Variants in HTR4 observed in about 807,000 individuals in gnomAD.
HTR4 encodes 5-hydroxytryptamine receptor 4, also known as 5-hydroxytryptamine (serotonin) receptor 4, G protein-coupled.
A neutral mutation model predicts 36.8 loss-of-function variants in HTR4; 16 were observed. The observed-to-expected ratio is 0.43, with a 90% confidence interval of 0.29 to 0.66. HTR4 has a LOEUF of 0.66. HTR4 is among the 30% of genes least tolerant of loss of function. The pLI is 0.13. For missense variants in HTR4, 438 were observed against 490.9 expected (o/e 0.89, Z 1.02); for synonymous variants, 189 against 185.1 (o/e 1.02, Z -0.17).
chr5:148,530,657 G>T (rs900457133), intron 4 of HTR4, among the ~76,000 whole-genome samples: 2 of 152,164 alleles, frequency 1.3e-5, no homozygotes, highest in Non-Finnish European at 2.9e-5. Context: ...AGTCCCTACT[G>T]GGGCACCAAC....
At chr5:148,572,484 T>C (rs1276452535) in intron 2 of HTR4, among the ~76,000 whole-genome samples, 1 of 152,072 alleles carries the variant, frequency 6.6e-6, no homozygotes, top group African/African-American at 2.4e-5. Flanking sequence ...ATTATGAAGA[T>C]AATCTAACAG....
At chr5:148,514,384 T>A (rs574860237) in intron 5 of HTR4, among the ~76,000 whole-genome samples, 4 of 152,284 alleles carry the variant, frequency 2.6e-5, no homozygotes, top group Middle Eastern at 3.4e-3. Context: ...CCCCTTTTTT[T>A]ATTGATGCAA....
At chr5:148,653,368 C>T (rs55683014) in intron 1 of HTR4, among the ~76,000 whole-genome samples, 29,563 of 152,150 alleles carry the variant, frequency 0.19, 3,441 homozygotes, top group East Asian at 0.4. Flanking sequence ...CTTCCTTGTA[C>T]CAACATCCAC....
chr5:148,515,362 A>G (rs1456930974), intron 5 of HTR4, among the ~76,000 whole-genome samples: 2 of 152,130 alleles, frequency 1.3e-5, no homozygotes, highest in Non-Finnish European at 2.9e-5. Flanking sequence ...AGACATTAAT[A>G]TTATTGTTAT....
At chr5:148,566,692 T>C (rs1000785604) in intron 2 of HTR4, among the ~76,000 whole-genome samples, 4 of 152,136 alleles carry the variant, frequency 2.6e-5, no homozygotes, top group South Asian at 2.1e-4. Flanking sequence ...ATCTGGTATA[T>C]GTATGTGATA....
downstream of HTR4, among the ~76,000 whole-genome samples, chr5:148,471,919 T>G (rs940215813): frequency 2.6e-5 from 4 of 152,174 alleles, no homozygotes; most frequent in Non-Finnish European, 5.9e-5. Flanking sequence ...TTACCTTTGA[T>G]GAGAAAAAGG....
At chr5:148,471,719 G>A (rs1368693619), downstream of HTR4, among the ~76,000 whole-genome samples, 1 of 152,156 alleles carries the variant, frequency 6.6e-6, no homozygotes, top group Non-Finnish European at 1.5e-5. Context: ...TCACATTAAA[G>A]CAGGGATTTT....
chr5:148,460,698 T>A (rs1755253097), intron 5 of HTR4, among the ~76,000 whole-genome samples: 1 of 152,088 alleles, frequency 6.6e-6, no homozygotes, highest in African/African-American at 2.4e-5. Context: ...CAGTTTTACA[T>A]AGAAAAAGGA....
intron 6 of HTR4, chr5:148,490,736 C>G (rs1756378491): frequency 7.9e-7 from 1 of 1,271,926 alleles, no homozygotes. Flanking sequence ...GTAAGGCAAT[C>G]CATTCCATTT....
At chr5:148,565,643 A>G (rs142215486) in intron 2 of HTR4, among the ~76,000 whole-genome samples, 109 of 152,282 alleles carry the variant, frequency 7.2e-4, no homozygotes, top group African/African-American at 2.5e-3. Context: ...TTCCACAACC[A>G]ACATGTATAC....
chr5:148,470,699 T>C (rs997780519), intron 5 of HTR4, among the ~76,000 whole-genome samples: 1 of 152,028 alleles, frequency 6.6e-6, no homozygotes, highest in Non-Finnish European at 1.5e-5. Flanking sequence ...AAGTAATTTC[T>C]TTTTTTTGAG....
intron 4 of HTR4, among the ~76,000 whole-genome samples, chr5:148,531,206 G>T (rs774382543): frequency 6.6e-6 from 1 of 152,116 alleles, no homozygotes; most frequent in African/African-American, 2.4e-5. Context: ...CGTGAGATTT[G>T]GGAGAAGCCA....
intron 2 of HTR4, among the ~76,000 whole-genome samples, chr5:148,596,827 A>G (rs1761796454): frequency 6.6e-6 from 1 of 152,152 alleles, no homozygotes; most frequent in Non-Finnish European, 1.5e-5. Flanking sequence ...CATTGACTCT[A>G]TGAAAAGCAC....
chr5:148,486,045 G>A (rs1377067297), intron 6 of HTR4, among the ~76,000 whole-genome samples: 1 of 152,108 alleles, frequency 6.6e-6, no homozygotes, highest in Non-Finnish European at 1.5e-5. Context: ...GATGTCTAAT[G>A]CCAGGTTACA....
chr5:148,645,540 A>G (rs1294177304), intron 1 of HTR4: 2 of 152,192 alleles, frequency 1.3e-5, no homozygotes, highest in Non-Finnish European at 2.9e-5. Context: ...ACAACCCTGG[A>G]ATCTGTCCTA....
intron 2 of HTR4, among the ~76,000 whole-genome samples, chr5:148,552,235 T>C (rs1759733081): frequency 6.6e-6 from 1 of 152,182 alleles, no homozygotes; most frequent in Admixed American, 6.5e-5. Context: ...TATAGGCAGA[T>C]TGATAGATTG....
intron 5 of HTR4, among the ~76,000 whole-genome samples, chr5:148,462,759 C>T (rs191224636): frequency 1.3e-5 from 2 of 152,218 alleles, no homozygotes; most frequent in East Asian, 3.9e-4. Context: ...CAAAAATCAT[C>T]AACAAGATAT....
At chr5:148,490,921 C>T (rs1461294503) in intron 6 of HTR4, 5 of 441,088 alleles carry the variant, frequency 1.1e-5, no homozygotes, top group Admixed American at 2.6e-5. Flanking sequence ...GTTCCTTCTA[C>T]TGTTATTTAT....
intron 6 of HTR4, among the ~76,000 whole-genome samples, chr5:148,488,470 C>T (rs1271923490): frequency 1.3e-5 from 2 of 152,146 alleles, no homozygotes; most frequent in African/African-American, 2.4e-5. Context: ...ATCATCTTCT[C>T]TATATAGTTT....
Sources: allele counts gnomAD v4.1 joint callset (sites outside exome capture counted in the v4.1 genomes callset), GRCh38; gene constraint gnomAD v4.1.1; transcripts MANE v1.5; gene names NCBI Gene and HGNC (gene_info 2026-07-23, HGNC 2026-07-21).